Variants in CDH13 observed in about 807,000 individuals in gnomAD.
The protein encoded by CDH13 is cadherin 13, also known as cadherin-13.
A neutral mutation model predicts 63.8 loss-of-function variants in CDH13; 24 were observed. The ratio of observed to expected loss-of-function variants is 0.38; its 90% CI spans 0.27 to 0.53. The LOEUF (loss-of-function observed/expected upper bound fraction) is 0.53. Ranked by LOEUF, CDH13 falls within the 20% of genes least tolerant of loss-of-function variation. CDH13 has a pLI of 0.85. For missense variants in CDH13, 1,049 were observed against 903.1 expected, an observed-to-expected ratio of 1.16 and a Z score of -2.07; for synonymous variants, 503 against 355.3, an observed-to-expected ratio of 1.42 and a Z score of -4.67.
chr16:83,699,448 A>T (rs1469760612), intron 10 of CDH13, among the ~76,000 whole-genome samples: 2 of 152,286 alleles, frequency 1.3e-5, no homozygotes, highest in Admixed American at 6.5e-5. Context: ...GCTTCCCAAG[A>T]TTTCTGCAAA....
chr16:83,354,303 C>G (rs1480260040), intron 6 of CDH13, among the ~76,000 whole-genome samples: 1 of 152,174 alleles, frequency 6.6e-6, no homozygotes, highest in African/African-American at 2.4e-5. Flanking sequence ...GTGGCAGATC[C>G]AAATGTCATT....
chr16:83,198,886 T>A (rs889933885), intron 4 of CDH13, among the ~76,000 whole-genome samples: 4 of 152,200 alleles, frequency 2.6e-5, no homozygotes, highest in Non-Finnish European at 5.9e-5. Context: ...GGGTTTTTTT[T>A]AAAGACAGAA....
chr16:82,885,615 C>T (rs993995385), intron 2 of CDH13, among the ~76,000 whole-genome samples: 2 of 152,090 alleles, frequency 1.3e-5, no homozygotes, highest in African/African-American at 4.8e-5. Context: ...ACCTTTTCTT[C>T]TATCTATCTG....
At chr16:82,884,773 C>T (rs1334844976) in intron 2 of CDH13, among the ~76,000 whole-genome samples, 1 of 152,166 alleles carries the variant, frequency 6.6e-6, no homozygotes, top group East Asian at 1.9e-4. Flanking sequence ...ATTTTTCAGC[C>T]TTGTCCAATT....
chr16:83,282,645 C>A (rs1032647649), intron 5 of CDH13, among the ~76,000 whole-genome samples: 1 of 152,164 alleles, frequency 6.6e-6, no homozygotes, highest in Non-Finnish European at 1.5e-5. Context: ...AAAAAGAGCT[C>A]CTGTAAATCA....
chr16:82,723,115 C>T (rs1484288261), intron 1 of CDH13: 1 of 152,214 alleles, frequency 6.6e-6, no homozygotes, highest in Non-Finnish European at 1.5e-5. Context: ...AACAGGTGGA[C>T]CTGGGGAACA....
intron 8 of CDH13, among the ~76,000 whole-genome samples, chr16:83,619,575 A>T (rs1567809358): frequency 6.6e-6 from 1 of 152,016 alleles, no homozygotes. Context: ...CTGTCCCCAC[A>T]CTTCTGGTGG....
chr16:83,130,668 A>G (rs780038231), intron 4 of CDH13, among the ~76,000 whole-genome samples: 1 of 152,224 alleles, frequency 6.6e-6, no homozygotes, highest in African/African-American at 2.4e-5. Context: ...AAATGTTGGG[A>G]AAAATTAAGT....
Position 82,745,477 on chromosome 16 carries a change from G to A in CDH13, c.46-112885G>A, listed in dbSNP as rs8048922. 7.9e-3 allele frequency among the ~76,000 whole-genome samples: 1,208 copies of A among 152,174 alleles called. 24 individuals carry two copies. Among genetic ancestry groups the A allele is most frequent in the African/African-American group, 0.028 (1,153 of 41,504 alleles). On this transcript the variant is annotated intron_variant, in intron 1 of 13. Transcript: ENST00000567109. ...AAATTAGCCGGGCATGGTGGCGGGC[G>A]CCTGTAACCCCAGCTACTCAGGAGG...
intron 6 of CDH13, among the ~76,000 whole-genome samples, chr16:83,443,697 G>C (rs2072552807): frequency 1.6e-5 from 2 of 123,422 alleles, no homozygotes; most frequent in South Asian, 2.7e-4. Flanking sequence ...AGAGTGCGAA[G>C]TCCCTACGAA....
intron 4 of CDH13, among the ~76,000 whole-genome samples, chr16:83,127,803 A>C (rs993588837): frequency 6.6e-6 from 1 of 152,210 alleles, no homozygotes; most frequent in Non-Finnish European, 1.5e-5. Context: ...GGTAATCATT[A>C]TATTTATCAT....
At chr16:83,674,164 G>A (rs557669638) in intron 9 of CDH13, among the ~76,000 whole-genome samples, 1 of 152,188 alleles carries the variant, frequency 6.6e-6, no homozygotes, top group Non-Finnish European at 1.5e-5. Context: ...CAGAATGTTA[G>A]ACTAATAGTG....
intron 2 of CDH13, among the ~76,000 whole-genome samples, chr16:82,923,983 A>G (rs1260101227): frequency 6.6e-6 from 1 of 152,244 alleles, no homozygotes; most frequent in Non-Finnish European, 1.5e-5. Context: ...TTCAAGGCAC[A>G]CATGTTTGTA....
intron 3 of CDH13, among the ~76,000 whole-genome samples, chr16:83,099,825 C>T (rs1301749240): frequency 3.3e-5 from 5 of 152,108 alleles, no homozygotes; most frequent in Non-Finnish European, 7.4e-5. Context: ...AAGTGCTCAG[C>T]ATAGCGCCAG....
At chr16:82,845,023 C>G (rs286665) in intron 1 of CDH13, among the ~76,000 whole-genome samples, 135,922 of 152,070 alleles carry the variant, frequency 0.89, 61,914 homozygotes, top group East Asian at 0.99. Flanking sequence ...TTGATACACG[C>G]GGGCATGTTT....
chr16:83,765,705 C>G (rs1255739533), intron 11 of CDH13, among the ~76,000 whole-genome samples: 1 of 151,778 alleles, frequency 6.6e-6, no homozygotes, highest in Non-Finnish European at 1.5e-5. Flanking sequence ...TGCTGAAAAA[C>G]CATATTAAAG....
intron 6 of CDH13, among the ~76,000 whole-genome samples, chr16:83,453,191 TACAATGGATTTTGGGGATTCGGGGG>T (rs1172310062): frequency 2.8e-4 from 43 of 152,268 alleles, no homozygotes; most frequent in African/African-American, 9.4e-4. Context: ...ATAAGGATTG[TACAATGGATTTTGGGGATTCGGGGG>T]AAAGGGTGGG....
At chr16:83,528,608 T>C (rs11640777) in intron 7 of CDH13, among the ~76,000 whole-genome samples, 96,182 of 152,030 alleles carry the variant, frequency 0.63, 31,773 homozygotes, top group Non-Finnish European at 0.74. Context: ...AAATATTAGA[T>C]CATCTGTCTC....
intron 1 of CDH13, among the ~76,000 whole-genome samples, chr16:82,770,321 A>G (rs1174550743): frequency 1.3e-5 from 2 of 152,254 alleles, no homozygotes; most frequent in Non-Finnish European, 2.9e-5. Context: ...TTATTATAAA[A>G]GTAATTCTCC....
Sources: gnomAD v4.1 joint callset for allele counts (sites outside exome capture counted in the v4.1 genomes callset) on GRCh38, gnomAD v4.1.1 for gene constraint, MANE v1.5 for transcripts, NCBI Gene and HGNC (gene_info 2026-07-23, HGNC 2026-07-21) for gene names.